SETDB2: variants seen among roughly 807,000 people sequenced by gnomAD.
The protein encoded by SETDB2 is SET domain bifurcated histone lysine methyltransferase 2.
A neutral mutation model predicts 82.5 loss-of-function variants in SETDB2; 56 were observed. The observed-to-expected ratio is 0.68, with a 90% CI of 0.55 to 0.85. The LOEUF is 0.85. SETDB2 is among the 40% of genes least tolerant of loss of function. The pLI is 0.00. For missense variants in SETDB2, 677 were observed against 816.4 expected (o/e 0.83, Z 2.08); for synonymous variants, 272 against 284.9 (o/e 0.95, Z 0.46).
intron 2 of SETDB2, among the ~76,000 whole-genome samples, chr13:49,457,485 G>C (rs2138845069): frequency 6.8e-6 from 1 of 146,562 alleles, no homozygotes; most frequent in South Asian, 2.1e-4. Context: ...CCAGGCTGGA[G>C]TGCAGTGGCG....
intron 11 of SETDB2, chr13:49,485,925 A>G (rs776777774): frequency 1.5e-6 from 1 of 676,754 alleles, no homozygotes; most frequent in Non-Finnish European, 2.7e-6. Flanking sequence ...ATGGCATGTG[A>G]GCTAAGAATG....
chr13:49,452,167 A>G (rs1957798782), intron 2 of SETDB2, among the ~76,000 whole-genome samples: 1 of 151,034 alleles, frequency 6.6e-6, no homozygotes, highest in Admixed American at 6.6e-5. Flanking sequence ...GCTGTAGTGC[A>G]GTAGCACAAT....
intron 5 of SETDB2, among the ~76,000 whole-genome samples, chr13:49,473,467 C>T (rs924985853): frequency 1.3e-5 from 2 of 148,486 alleles, no homozygotes; most frequent in Non-Finnish European, 3.0e-5. Flanking sequence ...GGGAGGATTG[C>T]ATGAGCCCAG....
At chr13:49,483,700 C>A in intron 10 of SETDB2, 137 bp downstream of exon 10, 1 of 443,180 alleles carries the variant, frequency 2.3e-6, no homozygotes. Flanking sequence ...ACAGTCACAG[C>A]TCACTGCAGC....
chr13:49,458,966 C>G (rs1450966064), intron 2 of SETDB2, among the ~76,000 whole-genome samples: 1 of 152,204 alleles, frequency 6.6e-6, no homozygotes, highest in African/African-American at 2.4e-5. Flanking sequence ...CGATGTCATG[C>G]CCTACCTGCC....
chr13:49,491,719 T>G lies in SETDB2; in HGVS notation c.2007-13T>G, dbSNP rs1324316744. ...GGGTATTTTATGATTCTTTTCAAAT[T>G]TCTACTTTCTAGGTATGTGAAAGCA... On this transcript the variant is annotated splice_polypyrimidine_tract_variant and intron_variant, in intron 13 of 13. Transcript: ENST00000611815. 4 of 1,578,490 alleles carry G rather than the reference T, an allele frequency of 2.5e-6. No individual in the cohort carries two copies. The African/African-American group carries it at 5.4e-5, about 21-fold the overall frequency.
chr13:49,451,049 A>G (rs1957776156), intron 1 of SETDB2, among the ~76,000 whole-genome samples: 1 of 151,596 alleles, frequency 6.6e-6, no homozygotes, highest in Non-Finnish European at 1.5e-5. Context: ...GTATTATACA[A>G]AAATATTAGT....
intron 12 of SETDB2, 116 bp from the exon 13 acceptor site, chr13:49,490,702 TGACA>T (rs1171347008): frequency 1.5e-6 from 1 of 648,946 alleles, no homozygotes; most frequent in Non-Finnish European, 2.5e-6. Flanking sequence ...ATTTATACAT[TGACA>T]AAAAAAGAAC....
At chr13:49,453,448 C>T (rs184553082) in intron 2 of SETDB2, among the ~76,000 whole-genome samples, 180 of 151,998 alleles carry the variant, frequency 1.2e-3, no homozygotes, top group African/African-American at 4.2e-3. Flanking sequence ...AGGTGTGTGC[C>T]GCCACGCCCA....
intron 8 of SETDB2, chr13:49,482,482 T>A: frequency 3.2e-6 from 1 of 317,158 alleles, no homozygotes; most frequent in Non-Finnish European, 4.6e-6. Flanking sequence ...TCATTCTAGC[T>A]AAATCTCTTC....
intron 5 of SETDB2, among the ~76,000 whole-genome samples, chr13:49,470,140 G>C (rs1448972872): frequency 6.6e-6 from 1 of 152,130 alleles, no homozygotes; most frequent in Non-Finnish European, 1.5e-5. Context: ...GAAAAATTGA[G>C]TTGGTTTCTT....
At chr13:49,477,958 G>A (rs775609247) in intron 6 of SETDB2, among the ~76,000 whole-genome samples, 6 of 152,182 alleles carry the variant, frequency 3.9e-5, no homozygotes, top group Non-Finnish European at 8.8e-5. Flanking sequence ...AACATTTTAA[G>A]GGTGTGTAGT....
intron 5 of SETDB2, 43 bp from the exon 6 acceptor site, chr13:49,476,433 G>A (rs1158943274): frequency 7.8e-7 from 1 of 1,287,904 alleles, no homozygotes; most frequent in Non-Finnish European, 1.1e-6. Context: ...ATGAGGAATT[G>A]AACTATAAAT....
At position 49,460,123 on chromosome 13, in the gene SETDB2, C is replaced by G. The variant is rs764586518; in HGVS notation, c.33C>G (p.Phe11Leu). 6.2e-7 allele frequency: 1 copy of G among 1,611,808 alleles called. No individual in the cohort carries two copies. Among genetic ancestry groups the G allele is most frequent in the South Asian group, 1.1e-5 (1 of 90,552 alleles). Residue 11 changes from phenylalanine to leucine, a missense_variant, in exon 3 of 14, where the codon TTC (phenylalanine) becomes TTG (leucine). Transcript: ENST00000611815. ...TTATTTTAGGCGATGCAAAAACTTT[C>G]TGGATGGAGCTAGAAGATGATGGAA... MGEKNGDAKT[F>L]WMELEDDGKV...
chr13:49,457,789 A>G (rs1260919919), intron 2 of SETDB2, among the ~76,000 whole-genome samples: 1 of 152,210 alleles, frequency 6.6e-6, no homozygotes, highest in Non-Finnish European at 1.5e-5. Context: ...GTCTTTCAGC[A>G]TCACAGCTTT....
At chr13:49,479,245 G>T (rs1415109209) in intron 6 of SETDB2, among the ~76,000 whole-genome samples, 1 of 152,156 alleles carries the variant, frequency 6.6e-6, no homozygotes, top group Non-Finnish European at 1.5e-5. Flanking sequence ...TATATGTGGT[G>T]TGTATATTTT....
rs1295185782 is a variant in SETDB2 at position 49,483,650 on chromosome 13, G to A, written c.1482+87G>A. The A allele has an allele frequency of 1.3e-4, 49 of 378,984 alleles. 2 individuals carry two copies. The highest frequency in any genetic ancestry group is 1.3e-3 in the African/African-American group (37 of 29,162). The allele number at this position is 378,984 out of a possible 1,614,324, so 23.5% of individuals were successfully genotyped here. A position where few individuals can be genotyped will look rare whatever the true frequency, so the allele number is the denominator to read the frequency against. On this transcript the variant is annotated intron_variant, in intron 10 of 13. Transcript: ENST00000611815. ...TTTTTTTTTTTTTTTTTTTTTTGAC[G>A]CAGAGTCTCACTCTGTCACCCAGGC...
At chr13:49,485,357 C>G (rs944227965) in intron 10 of SETDB2, among the ~76,000 whole-genome samples, 23 of 152,310 alleles carry the variant, frequency 1.5e-4, no homozygotes, top group Admixed American at 1.2e-3. Flanking sequence ...GGGATACAGA[C>G]AGGGATGCAT....
At chr13:49,461,019 A>G in intron 3 of SETDB2, 78 bp from the exon 4 acceptor site, 3 of 1,096,002 alleles carry the variant, frequency 2.7e-6, no homozygotes, top group Non-Finnish European at 4.0e-6. Context: ...AAATGAGATA[A>G]AATATGTAAA....
Sources: gnomAD v4.1 joint callset for allele counts (sites outside exome capture counted in the v4.1 genomes callset) on GRCh38, gnomAD v4.1.1 for gene constraint, MANE v1.5 for transcripts, NCBI Gene and HGNC (gene_info 2026-07-23, HGNC 2026-07-21) for gene names.